SEC16B: variants seen among roughly 807,000 people sequenced by gnomAD.
SEC16B encodes protein transport protein Sec16B.
Under a neutral mutation model 141.8 loss-of-function variants are expected in SEC16B, and 115 were observed. The ratio of observed to expected loss-of-function variants is 0.81; its 90% CI spans 0.70 to 0.95. The LOEUF is 0.95. Among genes scored for constraint, SEC16B ranks in the 40% least tolerant of loss-of-function variants. SEC16B has a pLI of 0.00. For missense variants in SEC16B, 1,291 were observed against 1,312.3 expected, an observed-to-expected ratio of 0.98 and a Z score of 0.25; for synonymous variants, 493 against 492.5, an observed-to-expected ratio of 1.00 and a Z score of -0.01.
Position 177,958,735 on chromosome 1 carries a change from T to G in SEC16B, c.1134+105A>C. On this transcript the variant is annotated intron_variant, in intron 9 of 25. Transcript: ENST00000308284. ...TTTTCCCTTGGGGCAATTTGTGGCT[T>G]CTTTAATATTGCTTTTCATAATCAT... 8 of 1,397,886 alleles carry G rather than the reference T, an allele frequency of 5.7e-6. No individual in the cohort carries two copies. In the South Asian group the frequency reaches 1.2e-4, roughly 21 times the overall value. 86.6% of individuals were successfully genotyped at this position (1,397,886 alleles called of 1,614,324 possible).
chr1:177,940,753 A>AGAGAG (rs762667685), intron 16 of SEC16B, 39 bp from the exon 17 acceptor site: 57 of 1,422,004 alleles, frequency 4.0e-5, no homozygotes, highest in South Asian at 1.3e-4. Flanking sequence ...GCAGAAAGTA[A>AGAGAG]GAGAGGAGAG....
chr1:177,937,169 C>A (rs1486190863), intron 19 of SEC16B, 45 bp downstream of exon 19: 1 of 1,555,316 alleles, frequency 6.4e-7, no homozygotes, highest in Non-Finnish European at 8.7e-7. Flanking sequence ...TCCTCCCCAC[C>A]CAGACCCTAC....
chr1:177,951,995 G>C lies in SEC16B; in HGVS notation c.1464C>G (p.Gly488=). 1.3e-6 allele frequency: 2 copies of C among 1,597,788 alleles called. No individual in the cohort carries two copies. Among genetic ancestry groups the C allele is most frequent in the Non-Finnish European group, 1.7e-6 (2 of 1,172,468 alleles). ...CATTGAGCGCCAGCGTGCTGGTGAA[G>C]CTGCGGAGAGAAGGATAGTCAGCGA... The part of the protein sequence containing the change: ...DPQTYSWVMS[G]FTSTLALNDP... The change falls in exon 12 of 26, where the codon GGC becomes GGG. Residue 488 remains glycine (G), a splice_region_variant and synonymous_variant. Transcript: ENST00000308284.
At position 177,941,990 on chromosome 1, in the gene SEC16B, G is replaced by A. The variant is rs768585031; in HGVS notation, c.1932C>T (p.Ser644=). 1.4e-5 allele frequency: 23 copies of A among 1,613,946 alleles called. No individual in the cohort carries two copies. Among genetic ancestry groups the A allele is most frequent in the Non-Finnish European group, 1.9e-5 (23 of 1,179,878 alleles). The part of the protein sequence containing the change: ...ASRLADYGLV[S]QALHYCEAIG... ...TGGCTTCGCAGTAATGCAAAGCCTG[G>A]GACACGAGGCCATAATCTGCCAGAC... The change falls in exon 16 of 26, where the codon TCC becomes TCT. Residue 644 remains serine (S), a synonymous_variant. Coordinates refer to ENST00000308284, the MANE Select transcript of SEC16B (RefSeq NM_033127.4).
At chr1:177,978,138 A>C (rs1177965178) in intron 1 of SEC16B, among the ~76,000 whole-genome samples, 1 of 152,228 alleles carries the variant, frequency 6.6e-6, no homozygotes, top group Non-Finnish European at 1.5e-5. Flanking sequence ...TTTGGGTTCC[A>C]ATGCCTCTGC....
At position 177,944,668 on chromosome 1, in the gene SEC16B, TA is replaced by T; in HGVS notation, c.1776-3del. ...GTTGCAAATTTCAAAAACTCTTGAC[TA>T]AAACCAGAGAATAACAATAAAAGAG... is the stretch of plus-strand genomic sequence containing the variant. On this transcript the variant is annotated splice_region_variant and splice_polypyrimidine_tract_variant and intron_variant, in intron 14 of 25. Transcript: ENST00000308284. 6.2e-7 allele frequency: 1 copy of T among 1,610,802 alleles called. No individual in the cohort carries two copies. Among genetic ancestry groups the T allele is most frequent in the Non-Finnish European group, 8.5e-7 (1 of 1,177,188 alleles).
chr1:177,963,099 C>G (rs1653211143), intron 5 of SEC16B, among the ~76,000 whole-genome samples: 1 of 151,874 alleles, frequency 6.6e-6, no homozygotes, highest in Non-Finnish European at 1.5e-5. Context: ...CACAGTGAGA[C>G]TCTGTCTCAA....
chr1:177,961,566 T>C, intron 6 of SEC16B, 24 bp downstream of exon 6: 1 of 1,587,246 alleles, frequency 6.3e-7, no homozygotes. Flanking sequence ...TTCAATCAAC[T>C]CTTCTGATCA....
intron 18 of SEC16B, 113 bp downstream of exon 18, chr1:177,939,589 C>T (rs956687727): frequency 1.1e-6 from 1 of 902,192 alleles, no homozygotes; most frequent in African/African-American, 1.7e-5. Context: ...CTTACACAGG[C>T]AAGGCAGGCA....
intron 6 of SEC16B, 175 bp downstream of exon 6, chr1:177,961,415 C>T (rs1165736161): frequency 1.6e-6 from 1 of 614,776 alleles, no homozygotes; most frequent in Non-Finnish European, 2.7e-6. Context: ...GATGCAATTA[C>T]TATTACAAGC....
At chr1:177,934,661 C>T (rs73043197) in intron 20 of SEC16B, among the ~76,000 whole-genome samples, 5,873 of 152,042 alleles carry the variant, frequency 0.039, 188 homozygotes, top group East Asian at 0.18. Flanking sequence ...CAACCTGTGT[C>T]GGGTCACACA....
chr1:177,933,349 T>G, intron 21 of SEC16B, 37 bp from the exon 22 acceptor site: 1 of 1,567,070 alleles, frequency 6.4e-7, no homozygotes. Context: ...ACCTGCAGGT[T>G]GGCTTCTTCC....
chr1:177,964,413 AT>A, intron 4 of SEC16B, 134 bp from the exon 5 acceptor site: 1 of 572,322 alleles, frequency 1.7e-6, no homozygotes, highest in Non-Finnish European at 3.1e-6. Context: ...AGGAGAAAGC[AT>A]TTTCCTCCTA....
intron 18 of SEC16B, among the ~76,000 whole-genome samples, chr1:177,939,287 A>C (rs1290798785): frequency 6.6e-6 from 1 of 152,192 alleles, no homozygotes; most frequent in African/African-American, 2.4e-5. Context: ...TTATTCCACA[A>C]TCATCTGGCA....
intron 18 of SEC16B, among the ~76,000 whole-genome samples, chr1:177,938,787 T>G (rs1171735566): frequency 6.6e-6 from 1 of 152,230 alleles, no homozygotes; most frequent in East Asian, 1.9e-4. Context: ...CTTAGAAAGC[T>G]TCCAGCTAAA....
chr1:177,976,782 C>T (rs2102024291), intron 1 of SEC16B, among the ~76,000 whole-genome samples: 1 of 152,308 alleles, frequency 6.6e-6, no homozygotes, highest in Non-Finnish European at 1.5e-5. Flanking sequence ...AAGGGATTAA[C>T]TGATTATTCA....
intron 1 of SEC16B, among the ~76,000 whole-genome samples, chr1:177,983,706 C>T (rs76813884): frequency 0.013 from 1,989 of 152,256 alleles, 50 homozygotes; most frequent in African/African-American, 0.046. Context: ...CACCCCTAGC[C>T]ATCTATATAG....
rs7554597 is a variant in SEC16B at position 177,932,523 on chromosome 1, C to T, written c.2979G>A (p.Ala993=). 381,703 of 1,549,666 alleles carry T rather than the reference C, an allele frequency of 0.25. 48,234 individuals carry two copies. The highest frequency in any genetic ancestry group is 0.28 in the African/African-American group (20,548 of 72,902). The change falls in exon 24 of 26, where the codon GCG becomes GCA. Residue 993 remains alanine, a synonymous_variant. Coordinates refer to ENST00000308284, the MANE Select transcript of SEC16B (RefSeq NM_033127.4). ...CAGACAAGCCTCCAACCCCAGCGCCCGCAGCTGCTCCCCCGCTGGATGCGG... is the reference window on the plus strand; with the variant it reads ...CAGACAAGCCTCCAACCCCAGCGCCTGCAGCTGCTCCCCCGCTGGATGCGG... ...RGSASSGGAA[A]GAGVGGLSGP...
rs1030342631 is a variant in SEC16B, at chr1:177,929,767, C to T, written c.*91G>A. 7.0e-6 allele frequency: 10 copies of T among 1,424,722 alleles called. No individual in the cohort carries two copies. Among genetic ancestry groups the T allele is most frequent in the Non-Finnish European group, 8.8e-6 (9 of 1,026,286 alleles). The allele number at this position is 1,424,722 out of a possible 1,614,324, so 88.3% of individuals were successfully genotyped here. On this transcript the variant is annotated 3_prime_UTR_variant, in exon 26 of 26. Transcript: ENST00000308284. ...GGGCTAGCACAAACCTCTTGAGGGTCCCAATATGGTAGAGAGGGGCTGGGA... is the reference window on the plus strand; with the variant it reads ...GGGCTAGCACAAACCTCTTGAGGGTTCCAATATGGTAGAGAGGGGCTGGGA...
Sources: gnomAD v4.1 joint callset for allele counts (sites outside exome capture counted in the v4.1 genomes callset) on GRCh38, gnomAD v4.1.1 for gene constraint, MANE v1.5 for transcripts, NCBI Gene and HGNC (gene_info 2026-07-23, HGNC 2026-07-21) for gene names.